Variants in ERN1 observed in about 807,000 individuals in gnomAD.
The protein encoded by ERN1 is serine/threonine-protein kinase/endoribonuclease IRE1.
ERN1 carries 39 observed loss-of-function variants against 113.1 expected under a neutral mutation model. The observed-to-expected ratio is 0.34, with a 90% CI of 0.27 to 0.45. The LOEUF (loss-of-function observed/expected upper bound fraction) is 0.45, where lower values mean the gene tolerates loss of function less well. ERN1 is among the 20% of genes least tolerant of loss of function. The pLI is 1.00. For missense variants in ERN1, 976 were observed against 1,274.8 expected (o/e 0.77, Z 3.57); for synonymous variants, 507 against 515.9 (o/e 0.98, Z 0.23).
intron 3 of ERN1, chr17:64,080,469 T>C: frequency 3.2e-6 from 1 of 310,362 alleles, no homozygotes; most frequent in South Asian, 3.8e-5. Context: ...TTTTTCTCCA[T>C]GATATGACAC....
chr17:64,124,376 T>A (rs1269821186), intron 1 of ERN1, among the ~76,000 whole-genome samples: 3 of 152,150 alleles, frequency 2.0e-5, no homozygotes, highest in Non-Finnish European at 4.4e-5. Context: ...ATGGATGATA[T>A]GGTTTGGCTC....
rs886895345 is a variant in ERN1, at chr17:64,044,645, C to G, written c.2721+215G>C. 6.6e-6 allele frequency among the ~76,000 whole-genome samples: 1 copy of G among 152,266 alleles called. No individual in the cohort carries two copies. The highest frequency in any genetic ancestry group is 1.5e-5 in the Non-Finnish European group (1 of 68,046). ...GAGGGACATGGGCCGCAGAGCACTG[C>G]TTCCCGGAGCTTCACCTGCACCTAC... is the stretch of plus-strand genomic sequence containing the variant. On this transcript the variant is annotated intron_variant, in intron 21 of 21. Transcript: ENST00000433197. This position sits in a 1 kb window ranked among gnomAD's most constrained non-coding sequence, Gnocchi z 4.1.
intron 10 of ERN1, among the ~76,000 whole-genome samples, chr17:64,061,606 T>A (rs542818285): frequency 6.0e-4 from 92 of 152,374 alleles, no homozygotes; most frequent in African/African-American, 2.1e-3. Flanking sequence ...AAGGGAAACC[T>A]ACTTTTGTTT....
rs8077780 is a variant in ERN1 at position 64,044,144 on chromosome 17, G to A, written c.2778C>T (p.Pro926=). Residue 926 remains proline, a synonymous_variant, in exon 22 of 22, where the codon CCC becomes CCT. Coordinates refer to ENST00000433197, the MANE Select transcript of ERN1 (RefSeq NM_001433.5). This position sits in a 1 kb window ranked among gnomAD's most constrained non-coding sequence, Gnocchi z 4.1. ...AEVRETLGSL[P]DDFVCYFTSR... ...ATGTGAAGTAGCACACGAAGTCGTC[G>A]GGGAGGGACCCCAGCGTCTCCCGCA... 8.1e-6 allele frequency: 13 copies of A among 1,604,154 alleles called. No homozygotes were observed. Among genetic ancestry groups the A allele is most frequent in the African/African-American group, 4.0e-5 (3 of 74,698 alleles).
In ERN1 at chr17:64,044,896, A is replaced by G. The variant is rs1372554469; in HGVS notation, c.2685T>C (p.Gly895=). The change falls in exon 21 of 22, where the codon GGT becomes GGC. Residue 895 remains glycine (G), a synonymous_variant. Coordinates refer to ENST00000433197, the MANE Select transcript of ERN1 (RefSeq NM_001433.5). The surrounding 1 kb of genome is among the most constrained non-coding windows in gnomAD (Gnocchi z 4.1). ...TGGCTCGGAGGAGATCTCTGACAGA[A>G]CCACCTTTATAGGTCCTGAATTTAC... ...DLRKFRTYKG[G]SVRDLLRAMR... 6.3e-7 allele frequency: 1 copy of G among 1,594,132 alleles called. No homozygotes were observed. Among genetic ancestry groups the G allele is most frequent in the East Asian group, 2.3e-5 (1 of 44,338 alleles).
At chr17:64,053,596 C>T (rs1912758757) in intron 15 of ERN1, among the ~76,000 whole-genome samples, 1 of 152,126 alleles carries the variant, frequency 6.6e-6, no homozygotes. Flanking sequence ...ATAAGTAAAC[C>T]TACAAAGGAA....
chr17:64,054,066 A>C lies in ERN1; in HGVS notation c.1953+184T>G. On this transcript the variant is annotated intron_variant, in intron 15 of 21. Transcript: ENST00000433197. This position sits in a 1 kb window ranked among gnomAD's most constrained non-coding sequence, Gnocchi z 4.9. ...GCAATCTTCCCACCTCAGCCTCCCA[A>C]GTAGCTGGGGCTACAGGAACACATC... 1 of 529,878 alleles carries C rather than the reference A, an allele frequency of 1.9e-6. No individual in the cohort carries two copies. Among genetic ancestry groups the C allele is most frequent in the Non-Finnish European group, 3.3e-6 (1 of 300,040 alleles). The allele number at this position is 529,878 out of a possible 1,614,324, so 32.8% of individuals were successfully genotyped here.
chr17:64,108,923 G>A (rs557730671), intron 1 of ERN1, among the ~76,000 whole-genome samples: 6 of 152,244 alleles, frequency 3.9e-5, no homozygotes, highest in Middle Eastern at 3.4e-3. Flanking sequence ...AGGAGTTCGC[G>A]ACCAGCCTGG....
intron 1 of ERN1, among the ~76,000 whole-genome samples, chr17:64,111,432 G>A (rs531636713): frequency 1.1e-4 from 16 of 151,126 alleles, no homozygotes; most frequent in African/African-American, 1.9e-4. Flanking sequence ...CTCGGCTCAC[G>A]GCAACCTCCA....
intron 1 of ERN1, among the ~76,000 whole-genome samples, chr17:64,113,570 C>A (rs1235803967): frequency 2.6e-5 from 4 of 151,530 alleles, no homozygotes; most frequent in Non-Finnish European, 5.9e-5. Context: ...AGTGCAGTGG[C>A]GTGATCCCGG....
At chr17:64,105,157 C>T (rs1914491561) in intron 1 of ERN1, among the ~76,000 whole-genome samples, 1 of 152,090 alleles carries the variant, frequency 6.6e-6, no homozygotes, top group Admixed American at 6.6e-5. Context: ...TCTTTGTCAC[C>T]CAGGTGGGAG....
At chr17:64,084,455 C>G (rs1368346769) in intron 2 of ERN1, among the ~76,000 whole-genome samples, 1 of 152,086 alleles carries the variant, frequency 6.6e-6, no homozygotes, top group Non-Finnish European at 1.5e-5. Flanking sequence ...TAAATCCTGG[C>G]TCTGCCAATC....
chr17:64,086,604 C>T (rs1365950949), intron 2 of ERN1, among the ~76,000 whole-genome samples: 3 of 138,878 alleles, frequency 2.2e-5, no homozygotes, highest in African/African-American at 8.0e-5. Context: ...TTTATTTGGA[C>T]CTATTTTCAT....
At chr17:64,058,384 T>C (rs1054376237) in intron 11 of ERN1, among the ~76,000 whole-genome samples, 2 of 152,194 alleles carry the variant, frequency 1.3e-5, no homozygotes, top group African/African-American at 2.4e-5. Context: ...TGGTATTTGA[T>C]TTAATAATAC....
chr17:64,074,494 C>A (rs1355209744), intron 5 of ERN1, among the ~76,000 whole-genome samples: 8 of 152,174 alleles, frequency 5.3e-5, no homozygotes, highest in Admixed American at 4.6e-4. Context: ...CCTTAAAAGT[C>A]TGGCCTGCAC....
Position 64,063,908 on chromosome 17 carries a change from T to A in ERN1, c.1087+78A>T. ...AAGGCCTTCCGAGCTCAGTACGGTG[T>A]AACTACCAGGGCCGGCGGTCGCCCA... On this transcript the variant is annotated intron_variant, in intron 10 of 21. Transcript: ENST00000433197. This position sits in a 1 kb window ranked among gnomAD's most constrained non-coding sequence, Gnocchi z 5.1. 10 of 1,425,862 alleles carry A rather than the reference T, an allele frequency of 7.0e-6. No individual in the cohort carries two copies. Among genetic ancestry groups the A allele is most frequent in the Non-Finnish European group, 9.7e-6 (10 of 1,029,568 alleles). The allele number at this position is 1,425,862 out of a possible 1,614,324, so 88.3% of individuals were successfully genotyped here. A position where few individuals can be genotyped will look rare whatever the true frequency, so the allele number is the denominator to read the frequency against.
intron 2 of ERN1, 76 bp from the exon 3 acceptor site, chr17:64,080,884 G>A: frequency 2.0e-6 from 3 of 1,469,292 alleles, no homozygotes; most frequent in South Asian, 1.2e-5. Context: ...CCCAGGACCA[G>A]GCCAAGTTGT....
chr17:64,117,015 G>C (rs957930039), intron 1 of ERN1, among the ~76,000 whole-genome samples: 2 of 151,826 alleles, frequency 1.3e-5, no homozygotes, highest in Non-Finnish European at 2.9e-5. Flanking sequence ...GGGAGGCTGA[G>C]GCAGGAGAAT....
In ERN1 at chr17:64,130,081, G is replaced by C. The variant is rs1915200682; in HGVS notation, c.-52C>G. ...GGCGGTACGGACAGAGGACGGGGCG[G>C]GGGCGCCGCGACGACAGCGAGGCGG... On this transcript the variant is annotated 5_prime_UTR_variant, in exon 1 of 22. Transcript: ENST00000433197. This position sits in a 1 kb window ranked among gnomAD's most constrained non-coding sequence, Gnocchi z 4.0. 1 of 1,320,094 alleles carries C rather than the reference G, an allele frequency of 7.6e-7. No homozygotes were observed. The highest frequency in any genetic ancestry group is 2.0e-5 in the South Asian group (1 of 50,460). The allele number at this position is 1,320,094 out of a possible 1,614,324, so 81.8% of individuals were successfully genotyped here.
Sources: gnomAD v4.1 joint callset for allele counts (sites outside exome capture counted in the v4.1 genomes callset) on GRCh38, gnomAD v4.1.1 for gene constraint, Gnocchi (gnomAD v3.1) non-coding constraint, MANE v1.5 for transcripts, NCBI Gene and HGNC (gene_info 2026-07-23, HGNC 2026-07-21) for gene names.